The following DNAAF6 variants were observed in gnomAD, a reference collection of about 807,000 sequenced individuals.
DNAAF6 encodes dynein axonemal assembly factor 6.
Under a neutral mutation model 13.7 loss-of-function variants are expected in DNAAF6, and 3 were observed. The ratio of observed to expected loss-of-function variants is 0.22; its 90% CI spans 0.10 to 0.56. The LOEUF (loss-of-function observed/expected upper bound fraction) is 0.56. Ranked by LOEUF, DNAAF6 falls within the 20% of genes least tolerant of loss-of-function variation. The probability of loss-of-function intolerance (pLI) is 0.92; values close to 1 mark genes in which losing one functional copy is unlikely to be tolerated. For missense variants in DNAAF6, 130 were observed against 151.0 expected, an observed-to-expected ratio of 0.86 and a Z score of 0.73; for synonymous variants, 54 against 49.2, an observed-to-expected ratio of 1.10 and a Z score of -0.41.
chrX:107,232,653 G>C (rs139379882), intron 5 of DNAAF6, among the ~76,000 whole-genome samples: 1,250 of 111,843 alleles, frequency 0.011, 22 homozygotes, highest in African/African-American at 0.038. Context: ...GTGTGGTCAC[G>C]AAAGCCTTCA....
chrX:107,233,710 A>C (rs1053700056), intron 5 of DNAAF6, among the ~76,000 whole-genome samples: 3 of 110,696 alleles, frequency 2.7e-5, no homozygotes, highest in Non-Finnish European at 5.7e-5. Context: ...ACTGGCGCCA[A>C]CTGAGAAGAC....
chrX:107,208,388 G>A (rs949097293), intron 1 of DNAAF6, among the ~76,000 whole-genome samples: 4 of 109,311 alleles, frequency 3.7e-5, no homozygotes, highest in African/African-American at 1.3e-4. Context: ...AGCCGAGATC[G>A]CGCCACTGCA....
chrX:107,239,820 C>T (rs1172458613), intron 6 of DNAAF6, among the ~76,000 whole-genome samples: 1 of 111,913 alleles, frequency 8.9e-6, no homozygotes, highest in Admixed American at 9.5e-5. Context: ...AATGTATCCT[C>T]ACAGAACAAT....
intron 5 of DNAAF6, among the ~76,000 whole-genome samples, chrX:107,233,867 G>A (rs1271668244): frequency 9.0e-6 from 1 of 111,727 alleles, no homozygotes; most frequent in Non-Finnish European, 1.9e-5. Context: ...GATGAGGGAT[G>A]GAAAATGGAG....
intron 5 of DNAAF6, among the ~76,000 whole-genome samples, chrX:107,232,362 T>C (rs775724168): frequency 8.2e-5 from 9 of 109,167 alleles, no homozygotes; most frequent in Middle Eastern, 4.9e-3. Flanking sequence ...TAAACCTTTT[T>C]CCCAACATAT....
At chrX:107,229,127 C>CTTTGTTTTTTTTTTTTTTTTT (rs1928322617) in intron 5 of DNAAF6, among the ~76,000 whole-genome samples, 1 of 51,586 alleles carries the variant, frequency 1.9e-5, no homozygotes, top group African/African-American at 1.1e-4. Flanking sequence ...GTTGACTACT[C>CTTTGTTTTTTTTTTTTTTTTT]TTTTTTTTTT....
intron 5 of DNAAF6, among the ~76,000 whole-genome samples, chrX:107,223,229 C>T (rs1226590572): frequency 3.6e-5 from 4 of 111,593 alleles, no homozygotes; most frequent in Non-Finnish European, 7.5e-5. Context: ...GTATCTCCTT[C>T]CCCGCATCTG....
chrX:107,214,449 G>A (rs1034026782), intron 2 of DNAAF6, among the ~76,000 whole-genome samples: 1 of 111,573 alleles, frequency 9.0e-6, no homozygotes, highest in South Asian at 3.8e-4. Context: ...ATTTACCCTG[G>A]TTACAGAGCC....
At chrX:107,217,892 T>A (rs771385886) in intron 3 of DNAAF6, among the ~76,000 whole-genome samples, 12 of 112,656 alleles carry the variant, frequency 1.1e-4, no homozygotes, top group African/African-American at 3.2e-4. Flanking sequence ...GGCAGTCTAA[T>A]TCACATTTCA....
At chrX:107,234,401 A>G (rs1265655960) in intron 5 of DNAAF6, among the ~76,000 whole-genome samples, 1 of 111,998 alleles carries the variant, frequency 8.9e-6, no homozygotes, top group African/African-American at 3.2e-5. Flanking sequence ...AATACTTAGT[A>G]TGGCTGCAGT....
intron 5 of DNAAF6, among the ~76,000 whole-genome samples, chrX:107,232,653 G>A (rs139379882): frequency 2.7e-5 from 3 of 111,790 alleles, no homozygotes; most frequent in East Asian, 5.6e-4. Context: ...GTGTGGTCAC[G>A]AAAGCCTTCA....
chrX:107,230,730 C>G (rs1928372312), intron 5 of DNAAF6, among the ~76,000 whole-genome samples: 1 of 111,852 alleles, frequency 8.9e-6, no homozygotes, highest in Non-Finnish European at 1.9e-5. Context: ...CAATGGCTTC[C>G]TGTTGCACTT....
chrX:107,238,894 C>T (rs745537802), intron 5 of DNAAF6, 28 bp from the exon 6 acceptor site: 24 of 1,203,440 alleles, frequency 2.0e-5, no homozygotes, highest in Middle Eastern at 2.3e-4. Flanking sequence ...CAAGATATCA[C>T]TATTTTTCTT....
chrX:107,214,789 C>A (rs764034520), intron 2 of DNAAF6, among the ~76,000 whole-genome samples: 14 of 111,819 alleles, frequency 1.3e-4, no homozygotes, highest in Non-Finnish European at 2.4e-4. Context: ...ATCTTGGGAA[C>A]TGTGGGATGA....
At chrX:107,229,852 T>C (rs924475650) in intron 5 of DNAAF6, among the ~76,000 whole-genome samples, 4 of 110,093 alleles carry the variant, frequency 3.6e-5, no homozygotes, top group Non-Finnish European at 7.6e-5. Flanking sequence ...CACGCCCGGC[T>C]AATTTTTTGT....
Position 107,216,723 on chromosome X carries a change from C to T in DNAAF6, c.206C>T (p.Pro69Leu), listed in dbSNP as rs202216661. 8.4e-7 allele frequency: 1 copy of T among 1,194,637 alleles called. No homozygotes were observed. The highest frequency in any genetic ancestry group is 1.1e-6 in the Non-Finnish European group (1 of 882,750). The stretch of plus-strand genomic sequence containing the variant: ...ATGGGTCCTGGGAATATTGGACCAC[C>T]CCAAATAGAAGAGCTCAAAGGTAAG... ...GAMGPGNIGP[P>L]QIEELKVIPE... Residue 69 changes from proline (P) to leucine (L), a missense_variant, in exon 3 of 7, where the codon CCC becomes CTC. Coordinates refer to ENST00000372453, the MANE Select transcript of DNAAF6 (RefSeq NM_173494.2).
At chrX:107,232,307 A>G (rs1267609934) in intron 5 of DNAAF6, among the ~76,000 whole-genome samples, 1 of 109,529 alleles carries the variant, frequency 9.1e-6, no homozygotes, top group Non-Finnish European at 1.9e-5. Flanking sequence ...GCTTTCCACA[A>G]CTTATTGTCC....
intron 1 of DNAAF6, among the ~76,000 whole-genome samples, chrX:107,211,242 A>T (rs1287722557): frequency 8.9e-6 from 1 of 111,824 alleles, no homozygotes; most frequent in East Asian, 2.8e-4. Context: ...CTCTTTTGAT[A>T]CTTTGAACCA....
chrX:107,214,291 T>C (rs1000954901), intron 2 of DNAAF6, among the ~76,000 whole-genome samples: 3 of 112,007 alleles, frequency 2.7e-5, no homozygotes, highest in Non-Finnish European at 5.7e-5. Flanking sequence ...CTACCTTAGT[T>C]GAGTAGCAGA....
Sources: allele counts gnomAD v4.1 joint callset (sites outside exome capture counted in the v4.1 genomes callset), GRCh38; gene constraint gnomAD v4.1.1; transcripts MANE v1.5; gene names NCBI Gene and HGNC (gene_info 2026-07-23, HGNC 2026-07-21).